The following ABCB7 variants were observed in gnomAD, a reference collection of about 807,000 sequenced individuals.
ABCB7 encodes iron-sulfur clusters transporter ABCB7, mitochondrial.
In ABCB7, 7 loss-of-function variants were observed where a neutral mutation model predicts 54.4. The ratio of observed to expected loss-of-function variants is 0.13; its 90% confidence interval spans 0.07 to 0.24. The LOEUF (loss-of-function observed/expected upper bound fraction) is 0.24, where lower values mean the gene tolerates loss of function less well. Among genes scored for constraint, ABCB7 ranks in the 10% least tolerant of loss-of-function variants. The pLI, the probability that ABCB7 is intolerant of heterozygous loss-of-function variation, is 1.00. For missense variants in ABCB7, 356 were observed against 570.4 expected, an observed-to-expected ratio of 0.62 and a Z score of 3.83; for synonymous variants, 218 against 207.1, an observed-to-expected ratio of 1.05 and a Z score of -0.45.
intron 1 of ABCB7, among the ~76,000 whole-genome samples, chrX:75,127,234 G>A (rs1428706498): frequency 9.0e-6 from 1 of 111,109 alleles, no homozygotes; most frequent in Non-Finnish European, 1.9e-5. Context: ...TTCACCCCTG[G>A]GATGCAAGGC....
chrX:75,077,961 T>C (rs746366179), intron 4 of ABCB7, among the ~76,000 whole-genome samples: 18 of 105,690 alleles, frequency 1.7e-4, no homozygotes, highest in Admixed American at 1.4e-3. Context: ...TCACCCAGGC[T>C]GGAGTGCAGT....
chrX:75,148,496 G>A (rs929130442), intron 1 of ABCB7, among the ~76,000 whole-genome samples: 11 of 109,513 alleles, frequency 1.0e-4, no homozygotes, highest in Non-Finnish European at 2.1e-4. Context: ...GTTATGGTCT[G>A]AACTGTGTAC....
At chrX:75,125,853 C>T (rs766725388) in intron 1 of ABCB7, among the ~76,000 whole-genome samples, 2 of 110,464 alleles carry the variant, frequency 1.8e-5, no homozygotes, top group Non-Finnish European at 3.8e-5. Context: ...CAATCCCCCC[C>T]CAAAAAGATA....
Position 75,052,487 on chromosome X carries a change from T to G in ABCB7, c.*883A>C, listed in dbSNP as rs1204010822. 1.1e-5 allele frequency: 1 copy of G among 94,109 alleles called. No individual in the cohort carries two copies. Among genetic ancestry groups the G allele is most frequent in the Non-Finnish European group, 2.0e-5 (1 of 49,466 alleles). 7.8% of individuals were successfully genotyped at this position (94,109 alleles called of 1,213,427 possible). A position where few individuals can be genotyped will look rare whatever the true frequency, so the allele number is the denominator to read the frequency against. ...GTCTCAAAAAAAAAAAAAAAAAAAT[T>G]CTAAGTATAGGCTGGGCATGATGGC... On this transcript the variant is annotated 3_prime_UTR_variant, in exon 16 of 16. Coordinates refer to ENST00000373394, the MANE Select transcript of ABCB7 (RefSeq NM_001271696.3).
At chrX:75,150,419 T>C (rs778600832) in intron 1 of ABCB7, among the ~76,000 whole-genome samples, 11 of 111,396 alleles carry the variant, frequency 9.9e-5, no homozygotes, top group Non-Finnish European at 1.7e-4. Context: ...GGTAACTATA[T>C]ATACCTATTA....
At chrX:75,094,339 A>C (rs2147497754) in intron 4 of ABCB7, among the ~76,000 whole-genome samples, 1 of 111,070 alleles carries the variant, frequency 9.0e-6, no homozygotes, top group South Asian at 3.8e-4. Flanking sequence ...ACATTTTATA[A>C]AATCAAATGA....
intron 1 of ABCB7, among the ~76,000 whole-genome samples, chrX:75,137,345 G>T (rs2082017443): frequency 1.8e-5 from 2 of 112,296 alleles, no homozygotes; most frequent in Admixed American, 9.4e-5. Context: ...TCTCATACCA[G>T]TTGGGATGGC....
chrX:75,121,275 C>A (rs371517542), intron 1 of ABCB7, among the ~76,000 whole-genome samples: 2 of 94,776 alleles, frequency 2.1e-5, no homozygotes, highest in Admixed American at 2.4e-4. Flanking sequence ...GGCGACAGAG[C>A]GAGACTCTGT....
chrX:75,105,533 A>G (rs1487594214), intron 3 of ABCB7, among the ~76,000 whole-genome samples: 1 of 111,694 alleles, frequency 9.0e-6, no homozygotes, highest in Non-Finnish European at 1.9e-5. Context: ...AAATGGAAAA[A>G]CAAACTCAAG....
intron 15 of ABCB7, among the ~76,000 whole-genome samples, chrX:75,053,842 T>C (rs2081214491): frequency 9.0e-6 from 1 of 111,705 alleles, no homozygotes; most frequent in South Asian, 3.7e-4. Flanking sequence ...TTAAAGGAAA[T>C]AAAATTGTAA....
At chrX:75,129,366 T>C (rs1216284612) in intron 1 of ABCB7, among the ~76,000 whole-genome samples, 1 of 110,629 alleles carries the variant, frequency 9.0e-6, no homozygotes, top group Non-Finnish European at 1.9e-5. Context: ...AAGCACCGCA[T>C]GTTCTCACCC....
At chrX:75,147,291 C>A (rs1171715308) in intron 1 of ABCB7, among the ~76,000 whole-genome samples, 1 of 111,511 alleles carries the variant, frequency 9.0e-6, no homozygotes, top group East Asian at 2.8e-4. Context: ...AACAGAATTA[C>A]CATTTGACCC....
chrX:75,058,874 A>G (rs1431259967), intron 15 of ABCB7, among the ~76,000 whole-genome samples: 1 of 111,934 alleles, frequency 8.9e-6, no homozygotes, highest in Non-Finnish European at 1.9e-5. Flanking sequence ...AAAAAGTAGC[A>G]GATTTTATTT....
At chrX:75,071,463 A>C in intron 9 of ABCB7, 46 bp downstream of exon 9, 1 of 1,178,671 alleles carries the variant, frequency 8.5e-7, no homozygotes, top group Non-Finnish European at 1.2e-6. Flanking sequence ...ATCTTTATTT[A>C]TAAAAGTTGA....
At chrX:75,111,601 C>CTATT (rs200252367) in intron 3 of ABCB7, among the ~76,000 whole-genome samples, 3,197 of 112,332 alleles carry the variant, frequency 0.028, 118 homozygotes, top group African/African-American at 0.099. Flanking sequence ...CAACTCCACA[C>CTATT]TATTTTCTGA....
At chrX:75,078,518 T>A (rs2081430052) in intron 4 of ABCB7, among the ~76,000 whole-genome samples, 1 of 111,719 alleles carries the variant, frequency 9.0e-6, no homozygotes. Flanking sequence ...CCAAATAATG[T>A]ACAAACCTTT....
chrX:75,151,736 T>C, intron 1 of ABCB7, among the ~76,000 whole-genome samples: 1 of 111,882 alleles, frequency 8.9e-6, no homozygotes. Context: ...CAGGATCTGA[T>C]GTCCAAAAGA....
At chrX:75,155,998 A>G in intron 1 of ABCB7, 107 bp downstream of exon 1, 1 of 928,273 alleles carries the variant, frequency 1.1e-6, no homozygotes, top group Non-Finnish European at 1.5e-6. Flanking sequence ...CCAGTTAGCC[A>G]TGACTTTCTT....
chrX:75,094,466 A>G (rs2147497933), intron 4 of ABCB7, among the ~76,000 whole-genome samples: 1 of 111,706 alleles, frequency 9.0e-6, no homozygotes, highest in South Asian at 3.8e-4. Flanking sequence ...TAATCCCAAC[A>G]CTCTGGGAGG....
Sources: gnomAD v4.1 joint callset for allele counts (sites outside exome capture counted in the v4.1 genomes callset) on GRCh38, gnomAD v4.1.1 for gene constraint, MANE v1.5 for transcripts, NCBI Gene and HGNC (gene_info 2026-07-23, HGNC 2026-07-21) for gene names.